Variants in CNTNAP5 observed in about 807,000 individuals in gnomAD.
CNTNAP5 encodes contactin-associated protein-like 5.
In CNTNAP5, 72 loss-of-function variants were observed where a neutral mutation model predicts 150.2. That is an observed-to-expected ratio of 0.48 (90% CI 0.40 to 0.58). The LOEUF is 0.58. Among genes scored for constraint, CNTNAP5 ranks in the 20% least tolerant of loss-of-function variants. CNTNAP5 has a pLI of 0.00. For missense variants in CNTNAP5, 1,636 were observed against 1,626.2 expected (o/e 1.01, Z -0.10); for synonymous variants, 672 against 619.8 (o/e 1.08, Z -1.25).
At chr2:124,551,263 AC>A (rs1695621539) in intron 10 of CNTNAP5, among the ~76,000 whole-genome samples, 1 of 152,000 alleles carries the variant, frequency 6.6e-6, no homozygotes, top group Admixed American at 6.6e-5. Flanking sequence ...TGTGAACTAG[AC>A]CCTGGAAAAT....
intron 1 of CNTNAP5, among the ~76,000 whole-genome samples, chr2:124,114,018 T>C (rs1185039510): frequency 1.3e-5 from 2 of 152,032 alleles, no homozygotes; most frequent in African/African-American, 2.4e-5. Context: ...TCCTAATTAC[T>C]GTAGTTATAA....
chr2:124,452,040 G>T (rs183494210), intron 6 of CNTNAP5, among the ~76,000 whole-genome samples: 1 of 152,154 alleles, frequency 6.6e-6, no homozygotes, highest in African/African-American at 2.4e-5. Context: ...GAAGTCTCCT[G>T]GCCGGCACTC....
At chr2:124,735,821 T>A (rs1042858957) in intron 13 of CNTNAP5, among the ~76,000 whole-genome samples, 7 of 152,154 alleles carry the variant, frequency 4.6e-5, no homozygotes, top group African/African-American at 1.7e-4. Context: ...CTTCACAGCT[T>A]TGTTGAGAGG....
intron 17 of CNTNAP5, among the ~76,000 whole-genome samples, chr2:124,786,383 G>T (rs969329166): frequency 2.6e-4 from 22 of 83,218 alleles, no homozygotes; most frequent in Middle Eastern, 6.2e-3. Context: ...AAGAAAGAAA[G>T]AAAGAAAGAA....
intron 1 of CNTNAP5, among the ~76,000 whole-genome samples, chr2:124,113,481 A>C (rs2104708056): frequency 6.7e-6 from 1 of 150,156 alleles, no homozygotes; most frequent in South Asian, 2.1e-4. Context: ...TATATTGTAT[A>C]TATCTATTCA....
At chr2:124,269,573 T>C (rs1246166737) in intron 3 of CNTNAP5, among the ~76,000 whole-genome samples, 1 of 152,092 alleles carries the variant, frequency 6.6e-6, no homozygotes, top group African/African-American at 2.4e-5. Flanking sequence ...GGGAGAGGGA[T>C]TTTTTTCGCC....
chr2:124,527,113 C>A (rs1694986087), intron 9 of CNTNAP5, among the ~76,000 whole-genome samples, 172 bp from the exon 10 acceptor site: 1 of 152,106 alleles, frequency 6.6e-6, no homozygotes, highest in Admixed American at 6.6e-5. Context: ...CTATTTTGTA[C>A]CAATTCTGTC....
At chr2:124,730,217 A>T (rs1680241719) in intron 13 of CNTNAP5, among the ~76,000 whole-genome samples, 1 of 152,028 alleles carries the variant, frequency 6.6e-6, no homozygotes, top group African/African-American at 2.4e-5. Flanking sequence ...AATCTTAGGT[A>T]AAAAATGTGT....
At chr2:124,778,907 C>T (rs1226306746) in intron 17 of CNTNAP5, among the ~76,000 whole-genome samples, 1 of 152,010 alleles carries the variant, frequency 6.6e-6, no homozygotes, top group African/African-American at 2.4e-5. Context: ...AAAGCTGCTT[C>T]AGTAGGGAAG....
At chr2:124,347,010 C>A (rs1013632823) in intron 3 of CNTNAP5, among the ~76,000 whole-genome samples, 2 of 151,598 alleles carry the variant, frequency 1.3e-5, no homozygotes, top group East Asian at 1.9e-4. Context: ...AACCCTTGAA[C>A]CCCAGAGGGA....
At chr2:124,457,447 A>T (rs1448910288) in intron 6 of CNTNAP5, among the ~76,000 whole-genome samples, 1 of 152,210 alleles carries the variant, frequency 6.6e-6, no homozygotes, top group Non-Finnish European at 1.5e-5. Context: ...AACTACAATG[A>T]ACTCAAATTA....
chr2:124,262,108 G>A (rs920141153), intron 3 of CNTNAP5, among the ~76,000 whole-genome samples: 2 of 151,776 alleles, frequency 1.3e-5, no homozygotes, highest in Non-Finnish European at 2.9e-5. Flanking sequence ...ATCCAGGCAT[G>A]GTGGCATGCA....
rs1678862218 is a variant in CNTNAP5, at chr2:124,921,112, T to C, written c.*6824T>C. Among the ~76,000 whole-genome samples, 1 of 152,188 alleles carries C rather than the reference T, an allele frequency of 6.6e-6. No homozygotes were observed. Among genetic ancestry groups the C allele is most frequent in the African/African-American group, 2.4e-5 (1 of 41,462 alleles). ...ATGGGGAAAAAATAAAAGTTAGCCT[T>C]AGATTTCTTTGTTTTCTATGGTTAT... On this transcript the variant is annotated 3_prime_UTR_variant, in exon 24 of 24. Transcript: ENST00000682447.
At chr2:124,415,228 C>G (rs180787109) in intron 3 of CNTNAP5, among the ~76,000 whole-genome samples, 162 of 152,254 alleles carry the variant, frequency 1.1e-3, no homozygotes, top group Non-Finnish European at 2.0e-3. Context: ...AACCTGGGAG[C>G]TGAAATGTTG....
chr2:124,742,312 T>C (rs916911814), intron 13 of CNTNAP5, among the ~76,000 whole-genome samples: 3 of 152,000 alleles, frequency 2.0e-5, no homozygotes, highest in African/African-American at 7.2e-5. Flanking sequence ...TAAAACACTT[T>C]GAGTAAAAAC....
At chr2:124,128,872 G>C (rs1046791146) in intron 1 of CNTNAP5, among the ~76,000 whole-genome samples, 1 of 152,070 alleles carries the variant, frequency 6.6e-6, no homozygotes, top group African/African-American at 2.4e-5. Flanking sequence ...GAGAATACTT[G>C]AACACAGGGT....
chr2:124,893,872 A>G (rs1441533084), intron 21 of CNTNAP5, among the ~76,000 whole-genome samples: 1 of 152,172 alleles, frequency 6.6e-6, no homozygotes, highest in Non-Finnish European at 1.5e-5. Context: ...CTCATCAGAA[A>G]TAACTGACTT....
intron 17 of CNTNAP5, among the ~76,000 whole-genome samples, chr2:124,787,124 C>T (rs181717956): frequency 1.4e-4 from 22 of 152,180 alleles, no homozygotes; most frequent in South Asian, 4.1e-4. Context: ...CTAAGTCACA[C>T]GCAAGAAAAT....
intron 1 of CNTNAP5, among the ~76,000 whole-genome samples, chr2:124,157,440 CTT>C (rs141895018): frequency 0.086 from 13,093 of 152,230 alleles, 725 homozygotes; most frequent in Non-Finnish European, 0.13. Flanking sequence ...GAAAGGCAAA[CTT>C]TGACTTTTCG....
Sources: allele counts gnomAD v4.1 joint callset (sites outside exome capture counted in the v4.1 genomes callset), GRCh38; gene constraint gnomAD v4.1.1; transcripts MANE v1.5; gene names NCBI Gene and HGNC (gene_info 2026-07-23, HGNC 2026-07-21).